PDE4D: variants seen among roughly 807,000 people sequenced by gnomAD.
PDE4D encodes the protein 3',5'-cyclic-AMP phosphodiesterase 4D.
A neutral mutation model predicts 87.4 loss-of-function variants in PDE4D; 24 were observed. That is an observed-to-expected ratio of 0.27 (90% CI 0.20 to 0.39). The LOEUF (loss-of-function observed/expected upper bound fraction) is 0.39. PDE4D is among the 10% of genes least tolerant of loss of function. The pLI is 1.00. For missense variants in PDE4D, 714 were observed against 1,041.0 expected, an observed-to-expected ratio of 0.69 and a Z score of 4.32; for synonymous variants, 384 against 383.2, an observed-to-expected ratio of 1.00 and a Z score of -0.02.
At chr5:59,195,360 G>T (rs1319611166) in intron 2 of PDE4D, among the ~76,000 whole-genome samples, 1 of 152,212 alleles carries the variant, frequency 6.6e-6, no homozygotes, top group Non-Finnish European at 1.5e-5. Flanking sequence ...CACTGAAGTG[G>T]CAAGGAGGCC....
At chr5:60,508,296 C>T (rs1014806509) in intron 1 of PDE4D, among the ~76,000 whole-genome samples, 3 of 152,212 alleles carry the variant, frequency 2.0e-5, no homozygotes, top group African/African-American at 7.2e-5. Context: ...GTTGATTACA[C>T]ACATCTCCTG....
At chr5:59,737,197 A>G (rs1758186684) in intron 1 of PDE4D, among the ~76,000 whole-genome samples, 1 of 152,204 alleles carries the variant, frequency 6.6e-6, no homozygotes. Flanking sequence ...CATAACATAA[A>G]GCCTAGGCTT....
chr5:59,724,870 C>A (rs1756373426), intron 1 of PDE4D, among the ~76,000 whole-genome samples: 1 of 152,038 alleles, frequency 6.6e-6, no homozygotes, highest in Non-Finnish European at 1.5e-5. Context: ...AAATATATAA[C>A]AACATTAAAT....
At chr5:59,774,341 G>A (rs1354216336) in intron 1 of PDE4D, among the ~76,000 whole-genome samples, 2 of 152,068 alleles carry the variant, frequency 1.3e-5, no homozygotes, top group Non-Finnish European at 2.9e-5. Flanking sequence ...ATATAAGCTT[G>A]GAAGTCAATA....
At chr5:59,730,001 G>A (rs770418730) in intron 1 of PDE4D, among the ~76,000 whole-genome samples, 6 of 151,944 alleles carry the variant, frequency 3.9e-5, no homozygotes, top group Non-Finnish European at 7.4e-5. Flanking sequence ...ATCCTTCATC[G>A]CTACACTCCT....
intron 1 of PDE4D, among the ~76,000 whole-genome samples, chr5:59,332,115 A>G (rs1776822986): frequency 6.6e-6 from 1 of 152,340 alleles, no homozygotes; most frequent in Non-Finnish European, 1.5e-5. Flanking sequence ...GCAGTATGAC[A>G]TCAATCATTT....
At chr5:60,073,492 G>GTTT (rs70975364) in intron 2 of PDE4D, among the ~76,000 whole-genome samples, 7 of 141,928 alleles carry the variant, frequency 4.9e-5, no homozygotes, top group African/African-American at 1.5e-4. Context: ...TTTGCCAGGT[G>GTTT]TTTTTTTTTT....
At chr5:60,495,281 G>C (rs1313073423) in intron 1 of PDE4D, among the ~76,000 whole-genome samples, 10 of 152,300 alleles carry the variant, frequency 6.6e-5, no homozygotes, top group Admixed American at 2.0e-4. Context: ...TGGAAAGAAA[G>C]CAGATTACAC....
At chr5:59,665,658 C>T (rs1745960060) in intron 1 of PDE4D, among the ~76,000 whole-genome samples, 1 of 152,160 alleles carries the variant, frequency 6.6e-6, no homozygotes, top group African/African-American at 2.4e-5. Context: ...GGCACCCTCC[C>T]AAAATTCAAA....
intron 1 of PDE4D, among the ~76,000 whole-genome samples, chr5:59,551,251 A>C (rs1420656868): frequency 6.6e-6 from 1 of 150,510 alleles, no homozygotes; most frequent in African/African-American, 2.4e-5. Context: ...TTTTAACTAA[A>C]CTACTTTTTA....
At chr5:60,490,672 G>A (rs1009459364), upstream of PDE4D, 15 of 151,980 alleles carry the variant, frequency 9.9e-5, no homozygotes, top group African/African-American at 3.6e-4. Flanking sequence ...GGTATACAAG[G>A]GTCACCCAAA....
chr5:60,493,516 G>A (rs1749644115), intron 1 of PDE4D, among the ~76,000 whole-genome samples: 1 of 152,208 alleles, frequency 6.6e-6, no homozygotes, highest in African/African-American at 2.4e-5. Context: ...AGCAGCAGAA[G>A]AAAGAACAGA....
chr5:60,216,717 G>C lies in PDE4D; in HGVS notation c.-89-31030C>G, dbSNP rs1291598521. ...ACAAAGAAAGACATATTACATATTA[G>C]TAACAGTTTCAGTACATCAAGAAAT... is the stretch of plus-strand genomic sequence containing the variant. On this transcript the variant is annotated intron_variant, in intron 1 of 16. Transcript: ENST00000502484. Among the ~76,000 whole-genome samples the C allele has an allele frequency of 6.6e-5, 10 of 152,150 alleles. No individual in the cohort carries two copies. In the East Asian group the frequency reaches 1.9e-3, roughly 29 times the overall value.
At chr5:59,220,080 G>A (rs1239584217) in intron 1 of PDE4D, among the ~76,000 whole-genome samples, 1 of 152,184 alleles carries the variant, frequency 6.6e-6, no homozygotes, top group Non-Finnish European at 1.5e-5. Flanking sequence ...CTGGGCCAAG[G>A]AGTGTCAGCA....
chr5:59,154,282 T>A (rs1779854538), intron 5 of PDE4D, among the ~76,000 whole-genome samples: 1 of 152,226 alleles, frequency 6.6e-6, no homozygotes. Flanking sequence ...TTAAAAATTA[T>A]AGTAAGAAAT....
intron 1 of PDE4D, among the ~76,000 whole-genome samples, chr5:59,574,083 TTTATATATATAA>T (rs1822509598): frequency 9.9e-5 from 1 of 10,102 alleles, no homozygotes; most frequent in Non-Finnish European, 2.2e-4. Flanking sequence ...TATATATATA[TTTATATATATAA>T]ATATATATTT....
chr5:59,926,390 T>C (rs1009026705), intron 3 of PDE4D, among the ~76,000 whole-genome samples: 1 of 151,818 alleles, frequency 6.6e-6, no homozygotes, highest in Non-Finnish European at 1.5e-5. Flanking sequence ...TTATACCCTA[T>C]ATCAAAAAAA....
chr5:59,239,353 C>CT (rs1757168390), intron 1 of PDE4D, among the ~76,000 whole-genome samples: 1 of 152,152 alleles, frequency 6.6e-6, no homozygotes, highest in South Asian at 2.1e-4. Context: ...CTCTCTGCCT[C>CT]TGAATTCCTG....
At chr5:59,971,304 A>G (rs1190912019) in intron 3 of PDE4D, among the ~76,000 whole-genome samples, 1 of 151,554 alleles carries the variant, frequency 6.6e-6, no homozygotes, top group Non-Finnish European at 1.5e-5. Flanking sequence ...ACATGTATAC[A>G]TACGTAACTA....
Sources: allele counts gnomAD v4.1 joint callset (sites outside exome capture counted in the v4.1 genomes callset), GRCh38; gene constraint gnomAD v4.1.1; transcripts MANE v1.5; gene names NCBI Gene and HGNC (gene_info 2026-07-23, HGNC 2026-07-21).